Variants in CCDC171 observed in about 807,000 individuals in gnomAD.
The protein encoded by CCDC171 is coiled-coil domain-containing protein 171.
Under a neutral mutation model 168.2 loss-of-function variants are expected in CCDC171, and 177 were observed. The observed-to-expected ratio is 1.05, with a 90% confidence interval of 0.93 to 1.19. The LOEUF is 1.19. Among genes scored for constraint, CCDC171 ranks in the 50% most tolerant of loss-of-function variants. The probability of loss-of-function intolerance (pLI) is 0.00; values close to 1 mark genes in which losing one functional copy is unlikely to be tolerated. For missense variants in CCDC171, 1,991 were observed against 1,539.0 expected, an observed-to-expected ratio of 1.29 and a Z score of -4.91; for synonymous variants, 687 against 540.8, an observed-to-expected ratio of 1.27 and a Z score of -3.75.
intron 6 of CCDC171, among the ~76,000 whole-genome samples, chr9:15,614,017 T>C (rs955650283): frequency 6.6e-6 from 1 of 152,248 alleles, no homozygotes; most frequent in Admixed American, 6.5e-5. Context: ...ATAAGTCTTC[T>C]AGCCTTTGCT....
chr9:15,791,894 G>T (rs1444806858), intron 21 of CCDC171, among the ~76,000 whole-genome samples: 1 of 152,152 alleles, frequency 6.6e-6, no homozygotes, highest in Non-Finnish European at 1.5e-5. Flanking sequence ...CAGAAAAGCT[G>T]AAAATTCTAA....
At chr9:15,591,674 C>G (rs2042017257) in intron 5 of CCDC171, 118 bp downstream of exon 5, 2 of 637,660 alleles carry the variant, frequency 3.1e-6, no homozygotes, top group Non-Finnish European at 5.3e-6. Context: ...CTTCCTTCCT[C>G]CCTCCCATTT....
At chr9:15,573,584 A>G (rs7874533) in intron 3 of CCDC171, among the ~76,000 whole-genome samples, 62,890 of 151,888 alleles carry the variant, frequency 0.41, 14,862 homozygotes, top group East Asian at 0.84. Context: ...GCCCCGCCCA[A>G]TTGAGGTAAT....
rs146676048 is a variant in CCDC171 at position 15,730,739 on chromosome 9, A to G, written c.2049+941A>G. Among the ~76,000 whole-genome samples, 1,024 of 152,062 alleles carry G rather than the reference A, an allele frequency of 6.7e-3. 19 individuals are homozygous for G. Among genetic ancestry groups the G allele is most frequent in the African/African-American group, 0.023 (942 of 41,550 alleles). The stretch of plus-strand genomic sequence containing the variant: ...GTCCTATATGAACTTATGCCTTTCT[A>G]TATGAATTTGAATGAATCAACAAAC... On this transcript the variant is annotated intron_variant, in intron 16 of 25. Coordinates refer to ENST00000380701, the MANE Select transcript of CCDC171 (RefSeq NM_173550.4).
intron 21 of CCDC171, among the ~76,000 whole-genome samples, chr9:15,798,273 T>C (rs2058656070): frequency 6.6e-6 from 1 of 152,156 alleles, no homozygotes; most frequent in Non-Finnish European, 1.5e-5. Context: ...ATAATTCCTC[T>C]TTCAGTCCTC....
At chr9:16,052,535 C>G (rs533054618) in intron 1 of CCDC171, among the ~76,000 whole-genome samples, 92 of 152,292 alleles carry the variant, frequency 6.0e-4, no homozygotes, top group Admixed American at 9.8e-4. Context: ...GGAAGAGTAA[C>G]TCACTGATCT....
intron 21 of CCDC171, among the ~76,000 whole-genome samples, chr9:15,828,554 C>T (rs1280168577): frequency 6.6e-6 from 1 of 152,144 alleles, no homozygotes; most frequent in Non-Finnish European, 1.5e-5. Context: ...AGTAGCTCTT[C>T]CTGGGTCAAA....
intron 18 of CCDC171, among the ~76,000 whole-genome samples, chr9:15,763,759 T>C (rs1588363783): frequency 6.6e-6 from 1 of 152,346 alleles, no homozygotes; most frequent in South Asian, 2.1e-4. Context: ...TTCTTTTTCA[T>C]TGCTGAGTAA....
At chr9:15,709,506 C>G (rs1318255800) in intron 11 of CCDC171, among the ~76,000 whole-genome samples, 1 of 152,038 alleles carries the variant, frequency 6.6e-6, no homozygotes, top group Non-Finnish European at 1.5e-5. Context: ...GTACGTCTTT[C>G]TAAGGCAAAA....
chr9:15,629,975 G>A (rs2045536264), intron 7 of CCDC171, among the ~76,000 whole-genome samples: 1 of 152,156 alleles, frequency 6.6e-6, no homozygotes, highest in Non-Finnish European at 1.5e-5. Flanking sequence ...AAAAGCAAAT[G>A]CTGAGAGATT....
At chr9:15,676,571 T>G (rs2049583482) in intron 9 of CCDC171, among the ~76,000 whole-genome samples, 1 of 152,102 alleles carries the variant, frequency 6.6e-6, no homozygotes, top group African/African-American at 2.4e-5. Context: ...CTGTACACAG[T>G]CACCCAAGGA....
intron 24 of CCDC171, among the ~76,000 whole-genome samples, chr9:15,885,222 A>G (rs934384057): frequency 5.9e-5 from 9 of 152,148 alleles, no homozygotes; most frequent in Non-Finnish European, 1.0e-4. Context: ...AACAAAAATG[A>G]CAAAACGTAT....
At chr9:15,690,745 G>T (rs2050722347) in intron 10 of CCDC171, among the ~76,000 whole-genome samples, 1 of 152,134 alleles carries the variant, frequency 6.6e-6, no homozygotes, top group Non-Finnish European at 1.5e-5. Context: ...TTTGCAACAT[G>T]TAACAAAAAG....
At chr9:15,731,943 T>G (rs1417902442) in intron 16 of CCDC171, among the ~76,000 whole-genome samples, 1 of 152,072 alleles carries the variant, frequency 6.6e-6, no homozygotes, top group Middle Eastern at 3.2e-3. Context: ...TTTTGGTAAT[T>G]CATGATGCTG....
intron 13 of CCDC171, 60 bp downstream of exon 13, chr9:15,723,806 A>G: frequency 2.4e-6 from 2 of 826,206 alleles, no homozygotes; most frequent in Non-Finnish European, 3.8e-6. Context: ...TATCTAGGGA[A>G]TATTTTAAAG....
chr9:15,753,486 C>T (rs904118530), intron 18 of CCDC171, among the ~76,000 whole-genome samples: 1 of 152,102 alleles, frequency 6.6e-6, no homozygotes, highest in Non-Finnish European at 1.5e-5. Flanking sequence ...GGTCAAATTA[C>T]AGAGGTTTTA....
At chr9:15,606,156 C>T (rs1391028739) in intron 6 of CCDC171, among the ~76,000 whole-genome samples, 1 of 152,142 alleles carries the variant, frequency 6.6e-6, no homozygotes, top group Non-Finnish European at 1.5e-5. Flanking sequence ...TCTTATTGTA[C>T]TGTATTCACT....
intron 18 of CCDC171, among the ~76,000 whole-genome samples, chr9:15,753,794 G>C (rs934505963): frequency 6.6e-6 from 1 of 152,116 alleles, no homozygotes; most frequent in African/African-American, 2.4e-5. Context: ...AGAAGAGTAA[G>C]TGATTGTTAA....
intron 18 of CCDC171, among the ~76,000 whole-genome samples, chr9:15,762,678 AATAAAATGTGCTT>A (rs1310850131): frequency 6.6e-6 from 1 of 152,206 alleles, no homozygotes; most frequent in Admixed American, 6.5e-5. Context: ...ATTTACATGC[AATAAAATGTGCTT>A]ATTTGACTAT....
Sources: allele counts gnomAD v4.1 joint callset (sites outside exome capture counted in the v4.1 genomes callset), GRCh38; gene constraint gnomAD v4.1.1; transcripts MANE v1.5; gene names NCBI Gene and HGNC (gene_info 2026-07-23, HGNC 2026-07-21).